The following MPP7 variants were observed in gnomAD, a reference collection of about 807,000 sequenced individuals.
MPP7 encodes the protein MAGUK p55 subfamily member 7.
In MPP7, 60 loss-of-function variants were observed where a neutral mutation model predicts 76.5. That is an observed-to-expected ratio of 0.78 (90% CI 0.64 to 0.97). The LOEUF (loss-of-function observed/expected upper bound fraction) is 0.97, where lower values mean the gene tolerates loss of function less well. Among genes scored for constraint, MPP7 ranks in the 50% least tolerant of loss-of-function variants. The pLI is 0.00. For synonymous variants in MPP7, 237 were observed against 244.5 expected (o/e 0.97, Z 0.29); for missense variants, 641 against 694.0 (o/e 0.92, Z 0.86).
intron 1 of MPP7, among the ~76,000 whole-genome samples, chr10:28,249,410 G>C (rs1342259849): frequency 6.6e-6 from 1 of 152,074 alleles, no homozygotes; most frequent in East Asian, 1.9e-4. Flanking sequence ...CCAACATGGC[G>C]AAACCCCATC....
intron 3 of MPP7, among the ~76,000 whole-genome samples, chr10:28,194,416 C>A (rs1445141262): frequency 2.0e-5 from 3 of 152,202 alleles, no homozygotes; most frequent in Admixed American, 6.5e-5. Flanking sequence ...AAAACCTGCA[C>A]ACAAATGTTT....
chr10:28,131,494 C>T lies in MPP7; in HGVS notation c.447+66G>A, dbSNP rs552015262. On this transcript the variant is annotated intron_variant, in intron 6 of 16. Transcript: ENST00000683449. ...AGGAAGTATATTTTAAAGAGTTATACATGGTATGCACCATCAGATTTGGCC... is the reference window on the plus strand; with the variant it reads ...AGGAAGTATATTTTAAAGAGTTATATATGGTATGCACCATCAGATTTGGCC... 3.4e-5 allele frequency: 47 copies of T among 1,369,170 alleles called. No homozygotes were observed. In the African/African-American group the frequency reaches 5.9e-4, roughly 17 times the overall value. 84.8% of individuals were successfully genotyped at this position (1,369,170 alleles called of 1,614,324 possible).
intron 1 of MPP7, among the ~76,000 whole-genome samples, chr10:28,261,345 G>A (rs975773775): frequency 6.6e-5 from 10 of 152,142 alleles, no homozygotes; most frequent in African/African-American, 2.2e-4. Context: ...CCACCAACAC[G>A]GTGGCTTTGC....
intron 11 of MPP7, among the ~76,000 whole-genome samples, chr10:28,109,873 A>AAAAAAAT (rs1834449365): frequency 7.0e-6 from 1 of 143,170 alleles, no homozygotes; most frequent in Non-Finnish European, 1.5e-5. Context: ...AAAAAAAAAA[A>AAAAAAAT]CACTTAAAAC....
At chr10:28,153,912 G>A (rs9299597) in intron 3 of MPP7, among the ~76,000 whole-genome samples, 39,835 of 151,962 alleles carry the variant, frequency 0.26, 6,822 homozygotes, top group East Asian at 0.81. Flanking sequence ...TCTTCAGCAT[G>A]TTAATTAATG....
intron 2 of MPP7, among the ~76,000 whole-genome samples, chr10:28,222,958 C>T (rs1272754070): frequency 6.6e-6 from 1 of 150,454 alleles, no homozygotes; most frequent in African/African-American, 2.5e-5. Context: ...GATGGTGAAA[C>T]CCTGTCTCTA....
At chr10:28,060,506 A>G (rs528560014) in intron 13 of MPP7, among the ~76,000 whole-genome samples, 1 of 152,358 alleles carries the variant, frequency 6.6e-6, no homozygotes, top group African/African-American at 2.4e-5. Context: ...TTTGAAAATA[A>G]GTAAAGCAGG....
intron 13 of MPP7, among the ~76,000 whole-genome samples, chr10:28,064,484 T>G (rs1471783271): frequency 1.3e-5 from 2 of 152,294 alleles, no homozygotes; most frequent in Non-Finnish European, 2.9e-5. Context: ...CACAAGGAAA[T>G]TTTTTGAGAT....
At chr10:28,216,714 A>G (rs572738999) in intron 2 of MPP7, among the ~76,000 whole-genome samples, 48 of 152,324 alleles carry the variant, frequency 3.2e-4, no homozygotes, top group African/African-American at 1.1e-3. Flanking sequence ...TATTGAAACA[A>G]TTATTACTCA....
intron 1 of MPP7, among the ~76,000 whole-genome samples, chr10:28,274,944 G>T (rs1409709895): frequency 6.6e-6 from 1 of 152,134 alleles, no homozygotes; most frequent in African/African-American, 2.4e-5. Context: ...AAACTAGACA[G>T]TATTCACCTT....
chr10:28,245,715 G>A (rs1271198381), intron 1 of MPP7, among the ~76,000 whole-genome samples: 2 of 151,746 alleles, frequency 1.3e-5, no homozygotes, highest in Non-Finnish European at 2.9e-5. Flanking sequence ...GAGTACAGTG[G>A]TGCGATCTCG....
At chr10:28,122,655 T>C (rs1182605389) in intron 8 of MPP7, among the ~76,000 whole-genome samples, 1 of 152,216 alleles carries the variant, frequency 6.6e-6, no homozygotes, top group Admixed American at 6.5e-5. Flanking sequence ...TCTCCAGACA[T>C]CTATGTTTTC....
intron 11 of MPP7, among the ~76,000 whole-genome samples, chr10:28,110,085 T>C (rs1340818897): frequency 6.6e-6 from 1 of 151,150 alleles, no homozygotes; most frequent in African/African-American, 2.4e-5. Flanking sequence ...ATTTTCTTCT[T>C]TTTTCTTTTT....
chr10:28,229,539 G>A (rs1426014808), intron 2 of MPP7, among the ~76,000 whole-genome samples: 1 of 152,160 alleles, frequency 6.6e-6, no homozygotes, highest in Non-Finnish European at 1.5e-5. Context: ...TGAGTTGGAG[G>A]TAAACAAAGA....
chr10:28,273,711 T>G (rs948308878), intron 1 of MPP7, among the ~76,000 whole-genome samples: 1 of 152,248 alleles, frequency 6.6e-6, no homozygotes, highest in African/African-American at 2.4e-5. Flanking sequence ...GAATTTCCTC[T>G]TCTTTGCAGA....
Position 28,238,636 on chromosome 10 carries a change from G to A in MPP7, c.-32C>T, listed in dbSNP as rs373200139. ...AGGTGTAGGAACAGGTCAGCCCACC[G>A]CTCTCCGGACACCCTGCCTTCGGAC... On this transcript the variant is annotated 5_prime_UTR_variant, in exon 2 of 17. Coordinates refer to ENST00000683449, the MANE Select transcript of MPP7 (RefSeq NM_001318170.2). 1.2e-5 allele frequency: 19 copies of A among 1,613,152 alleles called. No homozygotes were observed. The highest frequency in any genetic ancestry group is 1.4e-5 in the Non-Finnish European group (16 of 1,179,462).
intron 2 of MPP7, among the ~76,000 whole-genome samples, chr10:28,207,552 G>A (rs1206236614): frequency 1.3e-5 from 2 of 152,024 alleles, no homozygotes; most frequent in African/African-American, 2.4e-5. Flanking sequence ...GGGCATGGTG[G>A]TGCACACCTG....
intron 1 of MPP7, among the ~76,000 whole-genome samples, chr10:28,265,223 A>C (rs1840110689): frequency 6.6e-6 from 1 of 152,228 alleles, no homozygotes; most frequent in South Asian, 2.1e-4. Context: ...GTAATTGATA[A>C]AGAATGTTTA....
intron 3 of MPP7, among the ~76,000 whole-genome samples, chr10:28,156,918 AAG>A (rs1836082931): frequency 6.6e-6 from 1 of 152,150 alleles, no homozygotes. Flanking sequence ...TTCTTAGAAA[AAG>A]AGTAATCGGC....
Sources: allele counts gnomAD v4.1 joint callset (sites outside exome capture counted in the v4.1 genomes callset), GRCh38; gene constraint gnomAD v4.1.1; transcripts MANE v1.5; gene names NCBI Gene and HGNC (gene_info 2026-07-23, HGNC 2026-07-21).